Variants in RBFOX1 observed in about 807,000 individuals in gnomAD.
RBFOX1 encodes the protein RNA binding fox-1 homolog 1, also known as RNA binding protein fox-1 homolog 1.
In RBFOX1, 8 loss-of-function variants were observed where a neutral mutation model predicts 57.7. That is an observed-to-expected ratio of 0.14 (90% confidence interval 0.08 to 0.25). The LOEUF (loss-of-function observed/expected upper bound fraction) is 0.25. RBFOX1 is among the 10% of genes least tolerant of loss of function. The pLI is 1.00. For missense variants in RBFOX1, 611 were observed against 548.5 expected, an observed-to-expected ratio of 1.11 and a Z score of -1.14; for synonymous variants, 326 against 222.4, an observed-to-expected ratio of 1.47 and a Z score of -4.15.
chr16:7,448,925 C>CTTT (rs1491185704), intron 4 of RBFOX1, among the ~76,000 whole-genome samples: 3 of 28,768 alleles, frequency 1.0e-4, no homozygotes, highest in African/African-American at 3.1e-4. Flanking sequence ...TTTCTTTCCC[C>CTTT]TGTTTTTTTT....
chr16:7,164,996 A>G (rs1187650371), intron 4 of RBFOX1, among the ~76,000 whole-genome samples: 2 of 152,214 alleles, frequency 1.3e-5, no homozygotes, highest in South Asian at 2.1e-4. Flanking sequence ...TTGGAGCCCT[A>G]TAAAACAAGT....
chr16:6,361,963 G>T (rs1265401808), intron 2 of RBFOX1, among the ~76,000 whole-genome samples: 1 of 152,032 alleles, frequency 6.6e-6, no homozygotes, highest in Non-Finnish European at 1.5e-5. Flanking sequence ...GATATACACT[G>T]TTCTATGATT....
chr16:5,612,762 T>C (rs895180178), intron 3 of RBFOX1, among the ~76,000 whole-genome samples: 13 of 152,198 alleles, frequency 8.5e-5, no homozygotes, highest in African/African-American at 2.9e-4. Context: ...AGGAGGAGCA[T>C]TCCAGTGAGG....
intron 3 of RBFOX1, chr16:5,838,008 T>C (rs2056513202): frequency 6.6e-6 from 1 of 152,282 alleles, no homozygotes; most frequent in African/African-American, 2.4e-5. Context: ...CTAGGGCTAG[T>C]TGTTACTTTT....
intron 2 of RBFOX1, among the ~76,000 whole-genome samples, chr16:5,510,955 T>G (rs1318337979): frequency 6.6e-6 from 1 of 152,238 alleles, no homozygotes; most frequent in Non-Finnish European, 1.5e-5. Context: ...CTGAATCACC[T>G]GTGCCTTGTA....
chr16:7,036,184 G>C (rs1339214425), intron 3 of RBFOX1, among the ~76,000 whole-genome samples: 1 of 146,352 alleles, frequency 6.8e-6, no homozygotes, highest in Non-Finnish European at 1.5e-5. Context: ...GGTCCCATGG[G>C]ACTTAGTTCA....
intron 3 of RBFOX1, among the ~76,000 whole-genome samples, chr16:5,713,224 C>T (rs942778487): frequency 2.0e-5 from 3 of 152,128 alleles, no homozygotes; most frequent in East Asian, 1.9e-4. Flanking sequence ...TTTTGTTACT[C>T]GAGGCCAAAG....
chr16:6,437,104 C>T (rs558580218), intron 2 of RBFOX1, among the ~76,000 whole-genome samples: 2 of 152,192 alleles, frequency 1.3e-5, no homozygotes, highest in South Asian at 2.1e-4. Context: ...AATTAATAGG[C>T]GATCGTTTCC....
chr16:7,411,091 G>A (rs1044606321), intron 4 of RBFOX1, among the ~76,000 whole-genome samples: 20 of 152,024 alleles, frequency 1.3e-4, no homozygotes, highest in Non-Finnish European at 1.9e-4. Context: ...GACTACAGGC[G>A]TGAGCCACCA....
chr16:5,990,709 T>C (rs1018167907), intron 4 of RBFOX1, among the ~76,000 whole-genome samples: 2 of 149,516 alleles, frequency 1.3e-5, no homozygotes, highest in Admixed American at 1.3e-4. Flanking sequence ...GGCTCACGCC[T>C]GTAATCGCAA....
intron 2 of RBFOX1, among the ~76,000 whole-genome samples, chr16:6,450,487 A>T (rs1296186110): frequency 6.6e-6 from 1 of 151,456 alleles, no homozygotes; most frequent in African/African-American, 2.4e-5. Flanking sequence ...ATTTCCTTCC[A>T]TGCCGATTGG....
At position 6,556,483 on chromosome 16, in the gene RBFOX1, C is replaced by T. The variant is rs542265654; in HGVS notation, c.-63-98120C>T. Among the ~76,000 whole-genome samples, 77 of 152,258 alleles carry T rather than the reference C, an allele frequency of 5.1e-4. No individual in the cohort carries two copies. In the Middle Eastern group the frequency reaches 0.014, roughly 27 times the overall value. ...AATGAAAACATGTCGCCTCTGAGGT[C>T]TCATTTGTTCCCAGGAAGTCCACGG... On this transcript the variant is annotated intron_variant, in intron 2 of 15. Transcript: ENST00000550418.
intron 10 of RBFOX1, among the ~76,000 whole-genome samples, chr16:7,620,939 A>G (rs140950432): frequency 1.3e-5 from 2 of 152,246 alleles, no homozygotes; most frequent in East Asian, 1.9e-4. Context: ...GGCACTGTCA[A>G]TATTAGCTGT....
At chr16:7,185,977 C>G (rs1034795199) in intron 4 of RBFOX1, among the ~76,000 whole-genome samples, 3 of 152,158 alleles carry the variant, frequency 2.0e-5, no homozygotes, top group East Asian at 1.9e-4. Flanking sequence ...CCATTAGTTC[C>G]TATGTTTATT....
At chr16:7,471,372 G>A (rs1340789760) in intron 4 of RBFOX1, among the ~76,000 whole-genome samples, 1 of 152,024 alleles carries the variant, frequency 6.6e-6, no homozygotes, top group Non-Finnish European at 1.5e-5. Flanking sequence ...TTTTTTTAAT[G>A]TACATACACT....
At chr16:5,288,105 T>G (rs2063443400) in intron 1 of RBFOX1, among the ~76,000 whole-genome samples, 1 of 152,252 alleles carries the variant, frequency 6.6e-6, no homozygotes, top group South Asian at 2.1e-4. Flanking sequence ...GCTGACTTGC[T>G]TTGTCCTGCG....
intron 2 of RBFOX1, among the ~76,000 whole-genome samples, chr16:6,586,490 G>A (rs2097621200): frequency 6.6e-6 from 1 of 152,130 alleles, no homozygotes; most frequent in Non-Finnish European, 1.5e-5. Context: ...TGCCCAACTT[G>A]AATGGCCTTA....
chr16:6,993,785 G>C (rs1568273455), intron 3 of RBFOX1, among the ~76,000 whole-genome samples: 1 of 152,122 alleles, frequency 6.6e-6, no homozygotes, highest in South Asian at 2.1e-4. Context: ...TGCCATCCTG[G>C]AGCATGGAAA....
intron 3 of RBFOX1, among the ~76,000 whole-genome samples, chr16:5,654,311 T>A (rs566329532): frequency 3.9e-5 from 6 of 152,196 alleles, no homozygotes; most frequent in Non-Finnish European, 7.3e-5. Flanking sequence ...AAGTGTTGAA[T>A]TCTCAGGAAT....
Sources: allele counts gnomAD v4.1 joint callset (sites outside exome capture counted in the v4.1 genomes callset), GRCh38; gene constraint gnomAD v4.1.1; transcripts MANE v1.5; gene names NCBI Gene and HGNC (gene_info 2026-07-23, HGNC 2026-07-21).